The following SLC16A5 variants were observed in gnomAD, a reference collection of about 807,000 sequenced individuals.
SLC16A5 encodes the protein solute carrier family 16 member 5.
In SLC16A5, 29 loss-of-function variants were observed where a neutral mutation model predicts 33.2. The observed-to-expected ratio is 0.87, with a 90% CI of 0.65 to 1.19. SLC16A5 has a LOEUF of 1.19. SLC16A5 is among the 50% of genes most tolerant of loss of function. The pLI, the probability that SLC16A5 is intolerant of heterozygous loss-of-function variation, is 0.00. For missense variants in SLC16A5, 606 were observed against 678.2 expected (o/e 0.89, Z 1.18); for synonymous variants, 248 against 284.1 (o/e 0.87, Z 1.28).
chr17:75,105,683 A>C (rs2073853891), intron 6 of SLC16A5, 197 bp from the exon 7 acceptor site: 2 of 985,322 alleles, frequency 2.0e-6, no homozygotes, highest in South Asian at 4.7e-5. Flanking sequence ...AATTACACAC[A>C]AAAATGTTCC....
At chr17:75,090,627 A>T (rs1367962462) in intron 2 of SLC16A5, among the ~76,000 whole-genome samples, 1 of 151,652 alleles carries the variant, frequency 6.6e-6, no homozygotes, top group East Asian at 2.0e-4. Context: ...CGCCCGGCTA[A>T]TTATTGTATT....
chr17:75,097,887 G>C, intron 3 of SLC16A5, 151 bp from the exon 4 acceptor site: 7 of 861,886 alleles, frequency 8.1e-6, no homozygotes, highest in Non-Finnish European at 1.2e-5. Flanking sequence ...CACATGGCCA[G>C]TCCATGGCAG....
Position 75,100,137 on chromosome 17 carries a change from C to G in SLC16A5, c.474C>G (p.Leu158=). The G allele has an allele frequency of 6.2e-7, 1 of 1,614,212 alleles. No homozygotes were observed. The highest frequency in any genetic ancestry group is 8.5e-7 in the Non-Finnish European group (1 of 1,180,020). The change falls in exon 5 of 7, where the codon CTC becomes CTG. Residue 158 remains leucine, a synonymous_variant. Coordinates refer to ENST00000329783, the MANE Select transcript of SLC16A5 (RefSeq NM_004695.4). ...VSLGITLWPL[L]SRYLLENLGW... is the part of the protein sequence containing the mutation. ...TGGGCATCACCCTCTGGCCGCTGCT[C>G]TCCCGCTACCTTCTGGAGAACCTGG...
intron 2 of SLC16A5, among the ~76,000 whole-genome samples, chr17:75,092,767 C>G (rs546709236): frequency 6.7e-6 from 1 of 150,284 alleles, no homozygotes; most frequent in African/African-American, 2.5e-5. Flanking sequence ...TGTGAGTGTG[C>G]GCTGTGACTG....
chr17:75,098,881 G>C (rs2073753728), intron 4 of SLC16A5, among the ~76,000 whole-genome samples: 1 of 152,134 alleles, frequency 6.6e-6, no homozygotes, highest in Admixed American at 6.6e-5. Context: ...CTGGCTAGCA[G>C]GCATGTGGGC....
intron 2 of SLC16A5, among the ~76,000 whole-genome samples, chr17:75,093,055 C>A (rs1017589104): frequency 4.6e-5 from 7 of 152,046 alleles, no homozygotes; most frequent in Non-Finnish European, 8.8e-5. Context: ...CTGCTCCTAG[C>A]ACCGGCCTGC....
intron 2 of SLC16A5, chr17:75,093,227 C>G: frequency 3.3e-6 from 2 of 615,368 alleles, no homozygotes; most frequent in South Asian, 3.8e-5. Flanking sequence ...CTGCATTCTA[C>G]AAGTAGTGAC....
chr17:75,103,995 CT>C lies in SLC16A5; in HGVS notation c.1182del (p.Phe394LeufsTer117), dbSNP rs934647636. 1 of 1,614,210 alleles carries C rather than the reference CT, an allele frequency of 6.2e-7. No individual in the cohort carries two copies. The highest frequency in any genetic ancestry group is 8.5e-7 in the Non-Finnish European group (1 of 1,180,040). ...GGTTGCTCCTGGACGCCACCAACAA[CT>C]TTAGCTATGTTTTCTACATGTCCAG... ...AGLLLDATNN[F>X]SYVFYMSSFF... On this transcript the variant is annotated frameshift_variant, in exon 6 of 7. Coordinates refer to ENST00000329783, the MANE Select transcript of SLC16A5 (RefSeq NM_004695.4). LOFTEE classifies it high-confidence loss of function.
intron 3 of SLC16A5, among the ~76,000 whole-genome samples, chr17:75,096,974 C>T (rs1178057444): frequency 1.3e-5 from 2 of 150,950 alleles, no homozygotes; most frequent in East Asian, 3.9e-4. Flanking sequence ...TACAGGCACG[C>T]ACCACCATGC....
chr17:75,098,459 G>A (rs952916822), intron 4 of SLC16A5, among the ~76,000 whole-genome samples: 42 of 152,048 alleles, frequency 2.8e-4, no homozygotes, highest in Admixed American at 1.3e-4. Context: ...CCAGCTACTC[G>A]AGGCTGAGGC....
chr17:75,110,045 T>C, downstream of SLC16A5: 1 of 498,344 alleles, frequency 2.0e-6, no homozygotes, highest in Non-Finnish European at 3.6e-6. Context: ...GTTCCCTGTC[T>C]CCCGCGCCCC....
chr17:75,104,567 T>C, intron 6 of SLC16A5: 1 of 675,690 alleles, frequency 1.5e-6, no homozygotes, highest in African/African-American at 1.9e-5. Context: ...TTCTCCTGCC[T>C]CTGCCCCCCA....
chr17:75,095,226 C>T (rs9904626), intron 3 of SLC16A5, among the ~76,000 whole-genome samples: 42,251 of 152,158 alleles, frequency 0.28, 7,153 homozygotes, highest in Middle Eastern at 0.42. Flanking sequence ...TGCCACATGG[C>T]CTCTGGCCTG....
intron 5 of SLC16A5, among the ~76,000 whole-genome samples, chr17:75,102,945 C>T (rs534643545): frequency 6.6e-6 from 1 of 152,040 alleles, no homozygotes; most frequent in East Asian, 1.9e-4. Flanking sequence ...GGCTGGAGTG[C>T]AGTGGCGTGA....
chr17:75,099,017 G>C (rs540652102), intron 4 of SLC16A5, among the ~76,000 whole-genome samples: 4 of 152,136 alleles, frequency 2.6e-5, no homozygotes, highest in South Asian at 2.1e-4. Flanking sequence ...CTGAGGGCCC[G>C]CCTGAGGCCA....
Position 75,100,228 on chromosome 17 carries a change from A to C in SLC16A5, c.565A>C (p.Ile189Leu), listed in dbSNP as rs761846500. 1 of 1,614,224 alleles carries C rather than the reference A, an allele frequency of 6.2e-7. No homozygotes were observed. Among genetic ancestry groups the C allele is most frequent in the Admixed American group, 1.7e-5 (1 of 60,030 alleles). Residue 189 changes from isoleucine to leucine, a missense_variant, in exon 5 of 7, where the codon ATA becomes CTA. Ile to Leu is a conservative substitution (Grantham distance 5). Transcript: ENST00000329783. The part of the protein sequence containing the change: ...FLHCCICGAI[I>L]RPVATSVAPE... ...CCACTGCTGCATCTGCGGGGCCATC[A>C]TAAGGCCTGTGGCCACCAGTGTGGC...
chr17:75,093,973 T>TCA, intron 3 of SLC16A5, 138 bp downstream of exon 3: 1 of 1,295,476 alleles, frequency 7.7e-7, no homozygotes. Context: ...TCACCAGATT[T>TCA]CACCAGGGGC....
intron 4 of SLC16A5, 137 bp from the exon 5 acceptor site, chr17:75,099,870 G>A: frequency 2.4e-6 from 2 of 829,746 alleles, no homozygotes; most frequent in Non-Finnish European, 3.7e-6. Flanking sequence ...TCCATGGTCA[G>A]TCCCCAGGGA....
At chr17:75,101,753 G>GC (rs897351018) in intron 5 of SLC16A5, among the ~76,000 whole-genome samples, 1 of 151,584 alleles carries the variant, frequency 6.6e-6, no homozygotes, top group African/African-American at 2.4e-5. Flanking sequence ...TCCCACCTCA[G>GC]CCCCCCAAGT....
Sources: allele counts gnomAD v4.1 joint callset (sites outside exome capture counted in the v4.1 genomes callset), GRCh38; gene constraint gnomAD v4.1.1; transcripts MANE v1.5; gene names NCBI Gene and HGNC (gene_info 2026-07-23, HGNC 2026-07-21).